EXOC6B: variants seen among roughly 807,000 people sequenced by gnomAD.
EXOC6B encodes SEC15 homolog B.
EXOC6B carries 54 observed loss-of-function variants against 113.5 expected under a neutral mutation model. The observed-to-expected ratio is 0.48, with a 90% CI of 0.38 to 0.60. The LOEUF is 0.60. Ranked by LOEUF, EXOC6B falls within the 20% of genes least tolerant of loss-of-function variation. EXOC6B has a pLI of 0.00. For synonymous variants in EXOC6B, 357 were observed against 339.0 expected, an observed-to-expected ratio of 1.05 and a Z score of -0.58; for missense variants, 797 against 977.5, an observed-to-expected ratio of 0.82 and a Z score of 2.46.
intron 6 of EXOC6B, among the ~76,000 whole-genome samples, chr2:72,631,459 TATAGAGAGAGAGAGAGAG>T (rs1672451324): frequency 2.3e-3 from 16 of 6,954 alleles, no homozygotes; most frequent in African/African-American, 5.4e-3. Flanking sequence ...TATATATATA[TATAGAGAGAGAGAGAGAG>T]AGAGAGAGAG....
chr2:72,290,363 T>G (rs1469510864), intron 20 of EXOC6B, among the ~76,000 whole-genome samples: 1 of 152,148 alleles, frequency 6.6e-6, no homozygotes, highest in Non-Finnish European at 1.5e-5. Flanking sequence ...TTGTCCATAA[T>G]AGATGATGTT....
In EXOC6B at chr2:72,183,223, C is replaced by T. The variant is rs181423533; in HGVS notation, c.2309+852G>A. ...CCATATATGTAGACTTCCTACACTGCCTAGATGCAGGGCATTCTTCCAAGT... is the reference window on the plus strand; with the variant it reads ...CCATATATGTAGACTTCCTACACTGTCTAGATGCAGGGCATTCTTCCAAGT... On this transcript the variant is annotated intron_variant, in intron 21 of 21. Coordinates refer to ENST00000272427, the MANE Select transcript of EXOC6B (RefSeq NM_015189.3). 4.7e-4 allele frequency among the ~76,000 whole-genome samples: 71 copies of T among 152,286 alleles called. 1 individual carries two copies. Among genetic ancestry groups the T allele is most frequent in the Non-Finnish European group, 6.8e-4 (46 of 68,026 alleles).
At chr2:72,189,499 C>T (rs1306887593) in intron 20 of EXOC6B, among the ~76,000 whole-genome samples, 1 of 152,128 alleles carries the variant, frequency 6.6e-6, no homozygotes, top group Non-Finnish European at 1.5e-5. Context: ...ATTATGTTTT[C>T]CTTTGGAACT....
chr2:72,626,633 G>T (rs2104234291), intron 6 of EXOC6B, among the ~76,000 whole-genome samples: 1 of 152,154 alleles, frequency 6.6e-6, no homozygotes, highest in South Asian at 2.1e-4. Flanking sequence ...GTTTCTATGT[G>T]TAATAGTTTT....
At chr2:72,713,934 A>C (rs1227997779) in intron 6 of EXOC6B, among the ~76,000 whole-genome samples, 2 of 152,096 alleles carry the variant, frequency 1.3e-5, no homozygotes, top group South Asian at 2.1e-4. Context: ...CCTCCTTTGC[A>C]GTGATTGACC....
At chr2:72,615,047 C>T (rs1671300482) in intron 6 of EXOC6B, among the ~76,000 whole-genome samples, 1 of 151,622 alleles carries the variant, frequency 6.6e-6, no homozygotes, top group African/African-American at 2.4e-5. Context: ...CAGAGCAGAA[C>T]AAAATATTTA....
chr2:72,444,872 G>A (rs894731213), intron 18 of EXOC6B, among the ~76,000 whole-genome samples: 3 of 152,180 alleles, frequency 2.0e-5, no homozygotes, highest in African/African-American at 7.2e-5. Context: ...GAAAACCTCT[G>A]ACATACCCTG....
chr2:72,352,358 A>G (rs1689701528), intron 19 of EXOC6B, among the ~76,000 whole-genome samples: 1 of 152,202 alleles, frequency 6.6e-6, no homozygotes, highest in African/African-American at 2.4e-5. Flanking sequence ...AAAAGCCTAT[A>G]CATTGACTTA....
chr2:72,454,924 GT>G (rs1468549392), intron 18 of EXOC6B, among the ~76,000 whole-genome samples: 1 of 152,092 alleles, frequency 6.6e-6, no homozygotes, highest in East Asian at 1.9e-4. Context: ...AGAAGCAAAT[GT>G]TTTTTTATTT....
chr2:72,399,009 G>GAAAAAAAAAAA (rs576686166), intron 18 of EXOC6B, among the ~76,000 whole-genome samples: 1 of 122,656 alleles, frequency 8.2e-6, no homozygotes. Flanking sequence ...CAGTGAAAAA[G>GAAAAAAAAAAA]AAAAAAAAAA....
chr2:72,426,636 C>T (rs1374914091), intron 18 of EXOC6B, among the ~76,000 whole-genome samples: 2 of 152,116 alleles, frequency 1.3e-5, no homozygotes, highest in Non-Finnish European at 2.9e-5. Context: ...ATAGAGAGTA[C>T]AAAGCGATCC....
At chr2:72,660,560 T>G (rs1051522054) in intron 6 of EXOC6B, among the ~76,000 whole-genome samples, 2 of 152,202 alleles carry the variant, frequency 1.3e-5, no homozygotes, top group East Asian at 3.8e-4. Context: ...TATGGCAACA[T>G]CAAGAGAACA....
chr2:72,512,323 G>A (rs1289428200), intron 11 of EXOC6B, among the ~76,000 whole-genome samples: 2 of 19,604 alleles, frequency 1.0e-4, no homozygotes, highest in Non-Finnish European at 2.0e-4. Flanking sequence ...ACGGAAGGAA[G>A]GAAGGAAGGA....
In EXOC6B at chr2:72,665,064, G is replaced by A. The variant is rs1399653202; in HGVS notation, c.669+53039C>T. On this transcript the variant is annotated intron_variant, in intron 6 of 21. Coordinates refer to ENST00000272427, the MANE Select transcript of EXOC6B (RefSeq NM_015189.3). ...GATGTGGGTTCGAGGGCTGGCACAG[G>A]AGTGGGGCATGCCTCCCTCCGCAGG... Among the ~76,000 whole-genome samples the A allele has an allele frequency of 7.2e-5, 11 of 152,208 alleles. 1 individual carries two copies. The highest frequency in any genetic ancestry group is 7.2e-4 in the Admixed American group (11 of 15,282).
intron 20 of EXOC6B, among the ~76,000 whole-genome samples, chr2:72,332,114 TTGCTGCAC>T (rs72395749): frequency 0.21 from 32,019 of 151,730 alleles, 6,404 homozygotes; most frequent in African/African-American, 0.53. Flanking sequence ...AAGAATATCC[TTGCTGCAC>T]TGCACTGGGG....
At chr2:72,602,988 G>A (rs1464054332) in intron 6 of EXOC6B, among the ~76,000 whole-genome samples, 1 of 152,004 alleles carries the variant, frequency 6.6e-6, no homozygotes, top group Admixed American at 6.5e-5. Context: ...AAAAATAAGA[G>A]GAGGATGAGA....
chr2:72,368,816 C>A (rs557916434), intron 19 of EXOC6B, among the ~76,000 whole-genome samples: 1 of 152,106 alleles, frequency 6.6e-6, no homozygotes, highest in African/African-American at 2.4e-5. Context: ...ATTCAACAGC[C>A]CTTCATGCTA....
intron 20 of EXOC6B, among the ~76,000 whole-genome samples, chr2:72,308,569 T>C (rs184745915): frequency 3.3e-5 from 5 of 152,298 alleles, no homozygotes; most frequent in Non-Finnish European, 7.4e-5. Context: ...GAAATTTAAG[T>C]GAGTTAGTAT....
At chr2:72,303,429 C>T (rs1369785980) in intron 20 of EXOC6B, among the ~76,000 whole-genome samples, 1 of 152,014 alleles carries the variant, frequency 6.6e-6, no homozygotes, top group Non-Finnish European at 1.5e-5. Context: ...AGGTTTTGTT[C>T]ATTTCTTTTT....
Sources: gnomAD v4.1 joint callset for allele counts (sites outside exome capture counted in the v4.1 genomes callset) on GRCh38, gnomAD v4.1.1 for gene constraint, MANE v1.5 for transcripts, NCBI Gene and HGNC (gene_info 2026-07-23, HGNC 2026-07-21) for gene names.